Variants in DEUP1 observed in about 807,000 individuals in gnomAD.
DEUP1 encodes deuterosome assembly protein 1, also known as coiled-coil domain containing 67.
Under a neutral mutation model 87.4 loss-of-function variants are expected in DEUP1, and 82 were observed. The ratio of observed to expected loss-of-function variants is 0.94; its 90% CI spans 0.78 to 1.13. The LOEUF is 1.13. Among genes scored for constraint, DEUP1 ranks in the 50% most tolerant of loss-of-function variants. The pLI is 0.00. For synonymous variants in DEUP1, 214 were observed against 222.7 expected, an observed-to-expected ratio of 0.96 and a Z score of 0.35; for missense variants, 663 against 681.5, an observed-to-expected ratio of 0.97 and a Z score of 0.30.
chr11:93,339,809 G>A (rs1418317048), intron 2 of DEUP1, among the ~76,000 whole-genome samples: 2 of 152,078 alleles, frequency 1.3e-5, no homozygotes, highest in Non-Finnish European at 2.9e-5. Context: ...GAGCTACTAG[G>A]GGCCTGAACT....
At position 93,356,919 on chromosome 11, in the gene DEUP1, A is replaced by G. The variant is rs569476093; in HGVS notation, c.202-29A>G. 8.0e-5 allele frequency: 119 copies of G among 1,480,386 alleles called. No individual in the cohort carries two copies. In the South Asian group the frequency reaches 1.4e-3, roughly 18 times the overall value. The allele number at this position is 1,480,386 out of a possible 1,614,324, so 91.7% of individuals were successfully genotyped here. On this transcript the variant is annotated intron_variant, in intron 3 of 13. Coordinates refer to ENST00000298050, the MANE Select transcript of DEUP1 (RefSeq NM_181645.4). ...ATTTTGTCAGGCAAAATTTAGAAAA[A>G]GCAAAATTAAATTTTATTCTTCATG...
chr11:93,366,899 T>C (rs1437141649), intron 5 of DEUP1, among the ~76,000 whole-genome samples: 1 of 152,216 alleles, frequency 6.6e-6, no homozygotes, highest in Non-Finnish European at 1.5e-5. Flanking sequence ...AAAGATTCCT[T>C]TTTAAATTAA....
chr11:93,383,665 AT>A (rs1946405666), intron 7 of DEUP1: 2 of 636,452 alleles, frequency 3.1e-6, no homozygotes, highest in Non-Finnish European at 2.8e-6. Flanking sequence ...TATTGATTAT[AT>A]TTCAATGAAT....
intron 2 of DEUP1, among the ~76,000 whole-genome samples, chr11:93,343,081 G>T (rs1944160910): frequency 6.6e-6 from 1 of 152,212 alleles, no homozygotes; most frequent in Non-Finnish European, 1.5e-5. Flanking sequence ...CTTCAACTCA[G>T]ATGCTTAAGC....
intron 5 of DEUP1, among the ~76,000 whole-genome samples, chr11:93,367,014 GTT>G (rs1389986443): frequency 6.6e-6 from 1 of 152,072 alleles, no homozygotes; most frequent in African/African-American, 2.4e-5. Flanking sequence ...TAAAGACCCT[GTT>G]TTTATGTACC....
upstream of DEUP1, chr11:93,330,337 C>G (rs984766901): frequency 7.2e-5 from 11 of 152,438 alleles, no homozygotes; most frequent in African/African-American, 2.4e-4. Context: ...TTCATTCATT[C>G]AACAAGTATT....
chr11:93,420,374 C>G (rs1244926337), intron 13 of DEUP1, among the ~76,000 whole-genome samples: 4 of 152,090 alleles, frequency 2.6e-5, no homozygotes, highest in Non-Finnish European at 5.9e-5. Context: ...ATGCTTCATG[C>G]TAAAAACTCA....
chr11:93,418,361 A>G (rs1335045906), intron 13 of DEUP1, among the ~76,000 whole-genome samples: 1 of 152,114 alleles, frequency 6.6e-6, no homozygotes, highest in Non-Finnish European at 1.5e-5. Flanking sequence ...CCCATCAAAA[A>G]GTGGGCGAAG....
At chr11:93,434,303 C>T (rs1948179300) in intron 13 of DEUP1, among the ~76,000 whole-genome samples, 1 of 152,224 alleles carries the variant, frequency 6.6e-6, no homozygotes, top group Non-Finnish European at 1.5e-5. Context: ...CTAGATTCCT[C>T]TCCCCGTCAG....
intron 7 of DEUP1, among the ~76,000 whole-genome samples, chr11:93,376,133 G>A (rs922821393): frequency 2.2e-4 from 34 of 152,110 alleles, no homozygotes; most frequent in African/African-American, 7.7e-4. Flanking sequence ...ATTTTTTAGT[G>A]TATTTTTGTG....
At chr11:93,412,895 G>C (rs1947480688) in intron 12 of DEUP1, among the ~76,000 whole-genome samples, 1 of 151,880 alleles carries the variant, frequency 6.6e-6, no homozygotes, top group African/African-American at 2.4e-5. Flanking sequence ...GGTAATTATA[G>C]TTTGGGAGAA....
chr11:93,435,524 T>C (rs1948217419), intron 13 of DEUP1, among the ~76,000 whole-genome samples: 1 of 152,144 alleles, frequency 6.6e-6, no homozygotes, highest in African/African-American at 2.4e-5. Context: ...ATCTTAAGGG[T>C]CTGCAACACA....
rs897893092 is a variant in DEUP1, at chr11:93,438,184, G to A, written c.*465G>A. On this transcript the variant is annotated 3_prime_UTR_variant, in exon 14 of 14. Coordinates refer to ENST00000298050, the MANE Select transcript of DEUP1 (RefSeq NM_181645.4). ...AAATAAAAATATTTAAGTATTTCCA[G>A]TTATGTAAACACTCTAAAATTCTAT... 6.6e-6 allele frequency: 1 copy of A among 152,138 alleles called. No homozygotes were observed. The highest frequency in any genetic ancestry group is 1.9e-4 in the East Asian group (1 of 5,196). The allele number at this position is 152,138 out of a possible 1,614,324, so 9.4% of individuals were successfully genotyped here.
At chr11:93,336,393 C>T (rs372818227) in intron 2 of DEUP1, among the ~76,000 whole-genome samples, 2 of 132,998 alleles carry the variant, frequency 1.5e-5, no homozygotes, top group Middle Eastern at 3.7e-3. Flanking sequence ...TGGTTAGGGA[C>T]ACAGAGCCAA....
intron 6 of DEUP1, among the ~76,000 whole-genome samples, chr11:93,370,682 C>T (rs1333580429): frequency 6.6e-6 from 1 of 152,152 alleles, no homozygotes; most frequent in Non-Finnish European, 1.5e-5. Flanking sequence ...TTTTCCCCTA[C>T]AATCAAATTG....
chr11:93,364,376 A>G, intron 5 of DEUP1, 82 bp downstream of exon 5: 1 of 1,240,774 alleles, frequency 8.1e-7, no homozygotes, highest in Admixed American at 2.0e-5. Flanking sequence ...TAGTGTCCAC[A>G]ATGGTGTCTT....
intron 5 of DEUP1, 135 bp downstream of exon 5, chr11:93,364,429 AAT>A: frequency 1.4e-6 from 1 of 737,752 alleles, no homozygotes; most frequent in Non-Finnish European, 2.2e-6. Context: ...CTTCTCACTG[AAT>A]ATATTTTCTT....
intron 9 of DEUP1, among the ~76,000 whole-genome samples, chr11:93,391,940 G>C (rs749574246): frequency 1.3e-5 from 2 of 151,988 alleles, no homozygotes; most frequent in Non-Finnish European, 2.9e-5. Context: ...CCTTGTTCTC[G>C]TTCCTGTGAC....
chr11:93,331,200 G>A (rs1268087660), intron 1 of DEUP1, among the ~76,000 whole-genome samples: 2 of 152,038 alleles, frequency 1.3e-5, no homozygotes, highest in Admixed American at 6.5e-5. Context: ...AAAACTCTTC[G>A]ATTTGGAAGT....
Sources: allele counts gnomAD v4.1 joint callset (sites outside exome capture counted in the v4.1 genomes callset), GRCh38; gene constraint gnomAD v4.1.1; transcripts MANE v1.5; gene names NCBI Gene and HGNC (gene_info 2026-07-23, HGNC 2026-07-21).